Variants in PHF2 observed in about 807,000 individuals in gnomAD.
The protein encoded by PHF2 is lysine-specific demethylase PHF2.
PHF2 carries 27 observed loss-of-function variants against 120.5 expected under a neutral mutation model. The ratio of observed to expected loss-of-function variants is 0.22; its 90% confidence interval spans 0.17 to 0.31. PHF2 has a LOEUF of 0.31. PHF2 is among the 10% of genes least tolerant of loss of function. The pLI is 1.00. For synonymous variants in PHF2, 568 were observed against 592.5 expected, an observed-to-expected ratio of 0.96 and a Z score of 0.60; for missense variants, 1,024 against 1,434.8, an observed-to-expected ratio of 0.71 and a Z score of 4.63.
chr9:93,597,150 C>T (rs949255647), intron 1 of PHF2, among the ~76,000 whole-genome samples: 3 of 152,000 alleles, frequency 2.0e-5, no homozygotes, highest in Non-Finnish European at 4.4e-5. Context: ...AGGATGGTCT[C>T]GATCTCTTGC....
At chr9:93,599,249 G>A (rs959527809) in intron 1 of PHF2, among the ~76,000 whole-genome samples, 6 of 152,176 alleles carry the variant, frequency 3.9e-5, no homozygotes, top group African/African-American at 9.7e-5. Flanking sequence ...TATTTTTACC[G>A]TCATCGTCTT....
At chr9:93,672,560 G>A in intron 17 of PHF2, 1 of 984,866 alleles carries the variant, frequency 1.0e-6, no homozygotes, top group Non-Finnish European at 1.2e-6. Context: ...AGGTGTAGAT[G>A]CAGGTATGGG....
In PHF2 at chr9:93,663,046, A is replaced by T. The variant is rs777886031; in HGVS notation, c.1818+20A>T. On this transcript the variant is annotated intron_variant, in intron 13 of 21. Transcript: ENST00000359246. ...TACAAGGTGAGAAGTGCACATATGC[A>T]TGCACACGTGTGTGTGTCAGCTTGG... 1.2e-6 allele frequency: 2 copies of T among 1,613,878 alleles called. No individual in the cohort carries two copies. Among genetic ancestry groups the T allele is most frequent in the Non-Finnish European group, 8.5e-7 (1 of 1,179,854 alleles).
intron 1 of PHF2, among the ~76,000 whole-genome samples, chr9:93,584,074 T>C (rs1393642548): frequency 6.6e-6 from 1 of 152,188 alleles, no homozygotes; most frequent in Non-Finnish European, 1.5e-5. Context: ...GTGATCTTCC[T>C]GCCTTGGCCT....
At chr9:93,668,476 G>A (rs556907912) in intron 17 of PHF2, among the ~76,000 whole-genome samples, 4 of 152,236 alleles carry the variant, frequency 2.6e-5, no homozygotes, top group East Asian at 1.9e-4. Flanking sequence ...GGCCCCTCCC[G>A]AGGTCCATGG....
intron 1 of PHF2, among the ~76,000 whole-genome samples, chr9:93,615,188 CGATGGTGATGAT>C (rs1045724891): frequency 2.6e-5 from 1 of 38,996 alleles, no homozygotes; most frequent in Non-Finnish European, 5.7e-5. Flanking sequence ...ATGGTGATGG[CGATGGTGATGAT>C]GATGGTGATG....
At chr9:93,631,255 G>A (rs779743099) in intron 2 of PHF2, among the ~76,000 whole-genome samples, 5 of 152,180 alleles carry the variant, frequency 3.3e-5, no homozygotes, top group Admixed American at 6.5e-5. Flanking sequence ...CTCTCCCAAG[G>A]CCTGAATGCT....
At chr9:93,592,076 G>A (rs577377095) in intron 1 of PHF2, among the ~76,000 whole-genome samples, 1 of 152,316 alleles carries the variant, frequency 6.6e-6, no homozygotes, top group Admixed American at 6.5e-5. Flanking sequence ...CTTAACCAGG[G>A]ACACCTTGGT....
At position 93,656,127 on chromosome 9, in the gene PHF2, G is replaced by A; in HGVS notation, c.1040+106G>A. The A allele has an allele frequency of 1.1e-6, 1 of 880,618 alleles. No homozygotes were observed. The highest frequency in any genetic ancestry group is 1.8e-6 in the Non-Finnish European group (1 of 557,424). 54.6% of individuals were successfully genotyped at this position (880,618 alleles called of 1,614,324 possible). ...GGCTGAGTCCTGGCACAGCCCGCCT[G>A]TGGGTGGCCTGGACATGACCGTCAG... On this transcript the variant is annotated intron_variant, in intron 8 of 21. Transcript: ENST00000359246. The surrounding 1 kb of genome is among the most constrained non-coding windows in gnomAD (Gnocchi z 4.1).
intron 1 of PHF2, among the ~76,000 whole-genome samples, chr9:93,602,464 G>C (rs1490483535): frequency 6.6e-6 from 1 of 151,884 alleles, no homozygotes; most frequent in African/African-American, 2.4e-5. Flanking sequence ...TGTTGCCCAG[G>C]CTGGTCTCGA....
At chr9:93,675,348 CCA>C (rs932055021) in intron 19 of PHF2, among the ~76,000 whole-genome samples, 1 of 152,264 alleles carries the variant, frequency 6.6e-6, no homozygotes, top group Non-Finnish European at 1.5e-5. Context: ...CCGGAGGCAC[CCA>C]CTTGATGGTG....
chr9:93,677,747 G>A lies in PHF2; in HGVS notation c.*71G>A, dbSNP rs1826946082. ...GCCCCGCGAAAACATCTGCCTCCCA[G>A]GAGGGTGCCGAGCTGCCTCACCAGG... On this transcript the variant is annotated 3_prime_UTR_variant, in exon 22 of 22. Transcript: ENST00000359246. This position sits in a 1 kb window ranked among gnomAD's most constrained non-coding sequence, Gnocchi z 4.4. The A allele has an allele frequency of 1.7e-6, 2 of 1,189,124 alleles. No individual in the cohort carries two copies. The highest frequency in any genetic ancestry group is 2.5e-6 in the Non-Finnish European group (2 of 808,124). The allele number at this position is 1,189,124 out of a possible 1,614,324, so 73.7% of individuals were successfully genotyped here.
rs4744262 is a variant in PHF2 at position 93,628,322 on chromosome 9, A to T, written c.99-1648A>T. 1.9e-3 allele frequency among the ~76,000 whole-genome samples: 282 copies of T among 152,286 alleles called. 3 individuals carry two copies. The highest frequency in any genetic ancestry group is 6.3e-3 in the Admixed American group (96 of 15,304). ...AGAAGGATTGGTGTTATTCTTCTTT[A>T]AATGTTTGATAGAATTCACTAGTGA... On this transcript the variant is annotated intron_variant, in intron 1 of 21. Transcript: ENST00000359246.
intron 5 of PHF2, among the ~76,000 whole-genome samples, chr9:93,650,322 GAC>G (rs568854526): frequency 6.6e-6 from 1 of 152,082 alleles, no homozygotes; most frequent in Non-Finnish European, 1.5e-5. Context: ...ACACGCTTAT[GAC>G]ACACACACAT....
chr9:93,610,700 A>G (rs1825619474), intron 1 of PHF2, among the ~76,000 whole-genome samples: 1 of 152,198 alleles, frequency 6.6e-6, no homozygotes. Flanking sequence ...AAACAAAAAG[A>G]CTGTTCCCTT....
chr9:93,601,931 C>T (rs1435900370), intron 1 of PHF2, among the ~76,000 whole-genome samples: 6 of 110,232 alleles, frequency 5.4e-5, no homozygotes, highest in South Asian at 3.3e-4. Context: ...GATGGGAGTG[C>T]GGGGGTGGTA....
chr9:93,584,476 C>T (rs1862997078), intron 1 of PHF2, among the ~76,000 whole-genome samples: 1 of 152,198 alleles, frequency 6.6e-6, no homozygotes, highest in African/African-American at 2.4e-5. Flanking sequence ...ATCCAGTTGT[C>T]TCAGCATCAT....
intron 4 of PHF2, among the ~76,000 whole-genome samples, chr9:93,647,024 C>T (rs1826272674): frequency 6.6e-6 from 1 of 152,154 alleles, no homozygotes; most frequent in Non-Finnish European, 1.5e-5. Flanking sequence ...CGCCTGTGCT[C>T]GGCTTTACCG....
At chr9:93,659,847 G>C (rs926234086) in intron 11 of PHF2, among the ~76,000 whole-genome samples, 3 of 152,210 alleles carry the variant, frequency 2.0e-5, no homozygotes, top group Admixed American at 6.5e-5. Flanking sequence ...CAGCCTCTCT[G>C]AAACTCCCAT....
Sources: gnomAD v4.1 joint callset for allele counts (sites outside exome capture counted in the v4.1 genomes callset) on GRCh38, gnomAD v4.1.1 for gene constraint, Gnocchi (gnomAD v3.1) non-coding constraint, MANE v1.5 for transcripts, NCBI Gene and HGNC (gene_info 2026-07-23, HGNC 2026-07-21) for gene names.